The following ZNF423 variants were observed in gnomAD, a reference collection of about 807,000 sequenced individuals.
ZNF423 encodes zinc finger protein 423, also known as Ebf-associated zinc finger protein.
A neutral mutation model predicts 95.8 loss-of-function variants in ZNF423; 12 were observed. That is an observed-to-expected ratio of 0.13 (90% confidence interval 0.08 to 0.20). The LOEUF is 0.20. Ranked by LOEUF, ZNF423 falls within the 10% of genes least tolerant of loss-of-function variation. ZNF423 has a pLI of 1.00. For synonymous variants in ZNF423, 749 were observed against 711.9 expected (o/e 1.05, Z -0.83); for missense variants, 1,316 against 1,737.1 (o/e 0.76, Z 4.31).
At chr16:49,618,249 G>C (rs552426640) in intron 5 of ZNF423, among the ~76,000 whole-genome samples, 2 of 152,362 alleles carry the variant, frequency 1.3e-5, no homozygotes, top group East Asian at 1.9e-4. Flanking sequence ...CTCACAGGGT[G>C]TTGTGAGGGT....
intron 1 of ZNF423, among the ~76,000 whole-genome samples, chr16:49,835,739 G>T (rs192354448): frequency 1.3e-4 from 20 of 152,288 alleles, no homozygotes; most frequent in East Asian, 3.9e-4. Flanking sequence ...AGGAGGTGGT[G>T]GGGGGGCAGA....
intron 3 of ZNF423, among the ~76,000 whole-genome samples, chr16:49,728,968 T>A (rs1485724014): frequency 1.3e-5 from 2 of 152,190 alleles, no homozygotes; most frequent in Non-Finnish European, 2.9e-5. Flanking sequence ...GCTGACATCG[T>A]GATCCGCCTG....
chr16:49,822,769 C>T, intron 1 of ZNF423: 1 of 1,568,542 alleles, frequency 6.4e-7, no homozygotes, highest in South Asian at 1.2e-5. Context: ...TTTCTTATTG[C>T]AGGCTAGTAA....
intron 3 of ZNF423, among the ~76,000 whole-genome samples, chr16:49,728,949 T>A (rs939037222): frequency 3.3e-5 from 5 of 152,164 alleles, no homozygotes; most frequent in African/African-American, 1.2e-4. Flanking sequence ...GCCAGGCTGG[T>A]CTTGGACTGC....
chr16:49,600,370 C>A (rs1240581961), intron 5 of ZNF423, among the ~76,000 whole-genome samples: 1 of 151,878 alleles, frequency 6.6e-6, no homozygotes, highest in Non-Finnish European at 1.5e-5. Context: ...GGGGCAGATC[C>A]TCCCAAGTTA....
chr16:49,591,499 A>G (rs1277824364), intron 5 of ZNF423, among the ~76,000 whole-genome samples: 1 of 152,122 alleles, frequency 6.6e-6, no homozygotes, highest in Admixed American at 6.5e-5. Context: ...TATGGGCATT[A>G]TAAGTCCACT....
chr16:49,746,782 G>A (rs530260003), intron 2 of ZNF423, among the ~76,000 whole-genome samples: 11 of 152,260 alleles, frequency 7.2e-5, no homozygotes, highest in East Asian at 3.9e-4. Flanking sequence ...AAGACTGGGC[G>A]CTTTCTAAGA....
In ZNF423 at chr16:49,490,556, G is replaced by GC. The variant is rs1022668548; in HGVS notation, c.*718dup. The GC allele has an allele frequency of 1.3e-5, 2 of 152,712 alleles. No individual in the cohort carries two copies. Among genetic ancestry groups the GC allele is most frequent in the African/African-American group, 2.4e-5 (1 of 41,438 alleles). The allele number at this position is 152,712 out of a possible 1,614,324, so 9.5% of individuals were successfully genotyped here. On this transcript the variant is annotated 3_prime_UTR_variant, in exon 8 of 8. Transcript: ENST00000563137. Reference sequence around the variant, plus strand: ...GGAACACACCTTACAGGAGCTGACAGCCCCCCACGCGGCCCTAGGCTGGGG... The same window carrying GC: ...GGAACACACCTTACAGGAGCTGACAGCCCCCCCACGCGGCCCTAGGCTGGGG...
At chr16:49,801,776 T>C (rs1304249734) in intron 1 of ZNF423, among the ~76,000 whole-genome samples, 2 of 152,166 alleles carry the variant, frequency 1.3e-5, no homozygotes, top group Admixed American at 1.3e-4. Flanking sequence ...ATTAACCCCA[T>C]TTTACAGATG....
rs376833288 is a variant in ZNF423 at position 49,638,805 on chromosome 16, G to C, written c.371C>G (p.Thr124Arg). The C allele has an allele frequency of 7.4e-6, 12 of 1,613,966 alleles. No homozygotes were observed. Among genetic ancestry groups the C allele is most frequent in the Non-Finnish European group, 1.0e-5 (12 of 1,179,984 alleles). Residue 124 changes from threonine to arginine, a missense_variant, in exon 4 of 8, where the codon ACG (threonine) becomes AGG (arginine). Physicochemically the swap from Thr to Arg is moderately conservative, Grantham distance 71. Transcript: ENST00000563137. The surrounding 1 kb of genome is among the most constrained non-coding windows in gnomAD (Gnocchi z 5.6). The stretch of plus-strand genomic sequence containing the variant: ...GTCACAACCATCTCCGATCATCTGC[G>C]TGGGTGACGCAACATCCTTGCTGGA... ...SPSSKDVASP[T>R]QMIGDGCDLG... is the part of the protein sequence containing the mutation.
intron 2 of ZNF423, among the ~76,000 whole-genome samples, chr16:49,749,545 C>T (rs1241249031): frequency 6.6e-6 from 1 of 152,252 alleles, no homozygotes; most frequent in African/African-American, 2.4e-5. Flanking sequence ...GCTGTGACCA[C>T]TTTGATGAGC....
chr16:49,525,172 G>T (rs368462566), intron 6 of ZNF423, among the ~76,000 whole-genome samples, 191 bp downstream of exon 6: 14 of 152,172 alleles, frequency 9.2e-5, no homozygotes, highest in Non-Finnish European at 1.3e-4. Context: ...GAAGGAGGGC[G>T]CGTGTCAGCT....
intron 2 of ZNF423, chr16:49,731,461 T>C: frequency 2.7e-6 from 2 of 740,960 alleles, no homozygotes; most frequent in Non-Finnish European, 3.3e-6. Context: ...GATGTCCAAC[T>C]CTGAAATAAA....
At chr16:49,767,264 T>G (rs1005402259) in intron 2 of ZNF423, among the ~76,000 whole-genome samples, 10 of 152,178 alleles carry the variant, frequency 6.6e-5, no homozygotes, top group African/African-American at 2.4e-4. Flanking sequence ...AACCCAATTC[T>G]TAACCATTAG....
At chr16:49,718,899 A>G (rs1402228468) in intron 3 of ZNF423, among the ~76,000 whole-genome samples, 3 of 152,286 alleles carry the variant, frequency 2.0e-5, no homozygotes, top group East Asian at 3.9e-4. Flanking sequence ...TTGGGGGAAA[A>G]GCAAACATTC....
rs139396396 is a variant in ZNF423, at chr16:49,491,032, G to A, written c.*243C>T. ...TAACTCTAGAAATGTAGTCTGCGGC[G>A]GAAAGTCTAAAAGCACACTAGCTGT... On this transcript the variant is annotated 3_prime_UTR_variant, in exon 8 of 8. Coordinates refer to ENST00000563137, the MANE Select transcript of ZNF423 (RefSeq NM_001379286.1). The A allele has an allele frequency of 4.8e-5, 25 of 521,154 alleles. No homozygotes were observed. In the East Asian group the frequency reaches 5.7e-4, roughly 12 times the overall value. 32.3% of individuals were successfully genotyped at this position (521,154 alleles called of 1,614,324 possible).
At position 49,576,874 on chromosome 16, in the gene ZNF423, T is replaced by A. The variant is rs1306197623; in HGVS notation, c.3601+49296A>T. Among the ~76,000 whole-genome samples the A allele has an allele frequency of 2.0e-5, 3 of 152,220 alleles. No individual in the cohort carries two copies. The East Asian group carries it at 5.8e-4, about 29-fold the overall frequency. On this transcript the variant is annotated intron_variant, in intron 5 of 7. Coordinates refer to ENST00000563137, the MANE Select transcript of ZNF423 (RefSeq NM_001379286.1). ...ATGTAGTCTTTGAAGTGAAAGGCCT[T>A]TACCTTTTTAAAAATGTAGTTTAAT... is the stretch of plus-strand genomic sequence containing the variant.
chr16:49,679,504 A>G (rs2031261628), intron 3 of ZNF423, among the ~76,000 whole-genome samples: 1 of 152,232 alleles, frequency 6.6e-6, no homozygotes, highest in Non-Finnish European at 1.5e-5. Flanking sequence ...AAGCCCAGAC[A>G]CTGTCATGAC....
chr16:49,691,491 G>A (rs1461696222), intron 3 of ZNF423, among the ~76,000 whole-genome samples: 5 of 152,222 alleles, frequency 3.3e-5, no homozygotes, highest in Non-Finnish European at 7.3e-5. Context: ...CCAGCACTCT[G>A]GGAGGCCTAG....
Sources: allele counts gnomAD v4.1 joint callset (sites outside exome capture counted in the v4.1 genomes callset), GRCh38; gene constraint gnomAD v4.1.1; non-coding constraint Gnocchi (gnomAD v3.1); transcripts MANE v1.5; gene names NCBI Gene and HGNC (gene_info 2026-07-23, HGNC 2026-07-21).